TTC33: variants seen among roughly 807,000 people sequenced by gnomAD.
TTC33 encodes tetratricopeptide repeat protein 33.
TTC33 carries 24 observed loss-of-function variants against 29.4 expected under a neutral mutation model. The ratio of observed to expected loss-of-function variants is 0.82; its 90% CI spans 0.59 to 1.15. TTC33 has a LOEUF of 1.15. TTC33 is among the 50% of genes most tolerant of loss of function. The pLI is 0.00. For synonymous variants in TTC33, 107 were observed against 100.3 expected, an observed-to-expected ratio of 1.07 and a Z score of -0.40; for missense variants, 286 against 310.4, an observed-to-expected ratio of 0.92 and a Z score of 0.59.
intron 4 of TTC33, among the ~76,000 whole-genome samples, chr5:40,723,406 C>T (rs573940059): frequency 7.6e-4 from 115 of 151,202 alleles, no homozygotes; most frequent in African/African-American, 2.3e-3. Flanking sequence ...TCCCCTTCTC[C>T]GAGAAACACC....
At chr5:40,720,791 A>C (rs1043702636) in intron 4 of TTC33, among the ~76,000 whole-genome samples, 3 of 152,172 alleles carry the variant, frequency 2.0e-5, no homozygotes, top group Admixed American at 6.5e-5. Context: ...CTCTCACCAG[A>C]ATCCTACTCC....
Position 40,713,331 on chromosome 5 carries a change from T to G in TTC33, c.*2814A>C, listed in dbSNP as rs982479878. Reference sequence around the variant, plus strand: ...GGCAGTGAAACAAGCTTTTGAATCATTATGTAATTTTCAAACAACTAAAAG... The same window carrying G: ...GGCAGTGAAACAAGCTTTTGAATCAGTATGTAATTTTCAAACAACTAAAAG... On this transcript the variant is annotated 3_prime_UTR_variant, in exon 5 of 5. Coordinates refer to ENST00000337702, the MANE Select transcript of TTC33 (RefSeq NM_012382.3). Among the ~76,000 whole-genome samples the G allele has an allele frequency of 6.6e-6, 1 of 152,136 alleles. No homozygotes were observed. Among genetic ancestry groups the G allele is most frequent in the Non-Finnish European group, 1.5e-5 (1 of 68,006 alleles).
intron 3 of TTC33, 136 bp from the exon 4 acceptor site, chr5:40,728,612 C>T (rs531844851): frequency 1.4e-6 from 1 of 739,034 alleles, no homozygotes; most frequent in East Asian, 3.0e-5. Flanking sequence ...ACCCCTTACT[C>T]TGCCATTCAG....
chr5:40,732,038 T>C (rs1484847688), intron 2 of TTC33, among the ~76,000 whole-genome samples: 1 of 152,236 alleles, frequency 6.6e-6, no homozygotes, highest in Non-Finnish European at 1.5e-5. Context: ...TTAAAAATTA[T>C]TTTGAGAGAC....
intron 2 of TTC33, among the ~76,000 whole-genome samples, chr5:40,732,184 A>AT (rs889734754): frequency 9.9e-5 from 15 of 151,712 alleles, no homozygotes; most frequent in Non-Finnish European, 1.2e-4. Context: ...TAATTTTTTT[A>AT]TTTTTTTATT....
In TTC33 at chr5:40,714,733, T is replaced by G. The variant is rs2111855292; in HGVS notation, c.*1412A>C. The stretch of plus-strand genomic sequence containing the variant: ...AGGCAAGTGCTAATTTCTCCAACCC[T>G]GAAAAGAGATATGCATTCCAATAAA... On this transcript the variant is annotated 3_prime_UTR_variant, in exon 5 of 5. Transcript: ENST00000337702. 6.6e-6 allele frequency: 1 copy of G among 152,366 alleles called. No homozygotes were observed. Among genetic ancestry groups the G allele is most frequent in the Non-Finnish European group, 1.5e-5 (1 of 67,970 alleles). 9.4% of individuals were successfully genotyped at this position (152,366 alleles called of 1,614,324 possible). A position where few individuals can be genotyped will look rare whatever the true frequency, so the allele number is the denominator to read the frequency against.
chr5:40,726,441 C>G (rs746507269), intron 4 of TTC33, among the ~76,000 whole-genome samples: 1 of 150,942 alleles, frequency 6.6e-6, no homozygotes, highest in Non-Finnish European at 1.5e-5. Context: ...AGTGTCCCTT[C>G]GTTATGACAT....
At chr5:40,720,876 A>C (rs960159689) in intron 4 of TTC33, among the ~76,000 whole-genome samples, 3 of 152,214 alleles carry the variant, frequency 2.0e-5, no homozygotes, top group African/African-American at 4.8e-5. Context: ...AATTGGTCTG[A>C]GTGTCCAATG....
chr5:40,750,107 C>T (rs943645846), intron 1 of TTC33, among the ~76,000 whole-genome samples: 7 of 149,128 alleles, frequency 4.7e-5, no homozygotes, highest in East Asian at 3.9e-4. Flanking sequence ...AAAAAAAGTA[C>T]ATGCCTTAAT....
At chr5:40,736,318 G>T (rs1742550536) in intron 2 of TTC33, among the ~76,000 whole-genome samples, 1 of 152,084 alleles carries the variant, frequency 6.6e-6, no homozygotes, top group Non-Finnish European at 1.5e-5. Flanking sequence ...GCAGAATGTG[G>T]GTCACACAGC....
rs1741962347 is a variant in TTC33 at position 40,714,581 on chromosome 5, T to C, written c.*1564A>G. The C allele has an allele frequency of 6.6e-6, 1 of 152,170 alleles. No homozygotes were observed. The allele number at this position is 152,170 out of a possible 1,614,324, so 9.4% of individuals were successfully genotyped here. On this transcript the variant is annotated 3_prime_UTR_variant, in exon 5 of 5. Coordinates refer to ENST00000337702, the MANE Select transcript of TTC33 (RefSeq NM_012382.3). ...TCACTTCTCTAGATACCTATTTACG[T>C]TTTGAGAATGTTCTTTATTAAACAA...
intron 1 of TTC33, among the ~76,000 whole-genome samples, chr5:40,747,320 A>G (rs1464039116): frequency 2.6e-5 from 4 of 152,168 alleles, no homozygotes; most frequent in Admixed American, 2.0e-4. Context: ...GGTCTCCCAA[A>G]GTGCTGGGAT....
chr5:40,718,375 C>T (rs539078873), intron 4 of TTC33, among the ~76,000 whole-genome samples: 2 of 151,978 alleles, frequency 1.3e-5, no homozygotes, highest in East Asian at 3.9e-4. Flanking sequence ...CACTGCACTC[C>T]AGCCTGGATG....
At chr5:40,722,315 GC>G (rs1742153883) in intron 4 of TTC33, among the ~76,000 whole-genome samples, 1 of 152,162 alleles carries the variant, frequency 6.6e-6, no homozygotes, top group African/African-American at 2.4e-5. Flanking sequence ...TGCATCCTCT[GC>G]CCGGCCGCCA....
At chr5:40,719,117 C>A (rs984899408) in intron 4 of TTC33, among the ~76,000 whole-genome samples, 6 of 152,094 alleles carry the variant, frequency 3.9e-5, no homozygotes, top group African/African-American at 1.4e-4. Context: ...TTAAAACATA[C>A]AATTCAATAT....
intron 2 of TTC33, among the ~76,000 whole-genome samples, chr5:40,741,375 G>A (rs570418853): frequency 6.6e-6 from 1 of 152,306 alleles, no homozygotes; most frequent in Non-Finnish European, 1.5e-5. Context: ...CTGAATGGCT[G>A]AAGCTTGAAT....
At chr5:40,752,331 A>G (rs1373009046) in intron 1 of TTC33, among the ~76,000 whole-genome samples, 1 of 152,220 alleles carries the variant, frequency 6.6e-6, no homozygotes, top group Non-Finnish European at 1.5e-5. Flanking sequence ...TTTCAATTTC[A>G]TTGAAGAACT....
Position 40,746,998 on chromosome 5 carries a change from C to A in TTC33, c.21G>T (p.Lys7Asn), listed in dbSNP as rs1361665720. 1.9e-6 allele frequency: 3 copies of A among 1,613,530 alleles called. No individual in the cohort carries two copies. In the African/African-American group the frequency reaches 4.0e-5, roughly 22 times the overall value. MASFGW[K>N]RKIGEKVSKV... Reference sequence around the variant, plus strand: ...TTGAGACCTTCTCACCAATTTTCCTCTTCCACCCAAAGGAAGCCATTCTGG... The same window carrying A: ...TTGAGACCTTCTCACCAATTTTCCTATTCCACCCAAAGGAAGCCATTCTGG... Residue 7 changes from lysine (K) to asparagine (N), a missense_variant, in exon 2 of 5, where the codon AAG becomes AAT. Transcript: ENST00000337702.
intron 2 of TTC33, 134 bp from the exon 3 acceptor site, chr5:40,730,477 G>T: frequency 1.7e-6 from 1 of 599,792 alleles, no homozygotes; most frequent in Non-Finnish European, 2.9e-6. Context: ...GAGGCATTAA[G>T]TAGCATTAAG....
Sources: allele counts gnomAD v4.1 joint callset (sites outside exome capture counted in the v4.1 genomes callset), GRCh38; gene constraint gnomAD v4.1.1; transcripts MANE v1.5; gene names NCBI Gene and HGNC (gene_info 2026-07-23, HGNC 2026-07-21).